The following EXOC6B variants were observed in gnomAD, a reference collection of about 807,000 sequenced individuals.
The protein encoded by EXOC6B is exocyst complex component 6B.
EXOC6B carries 54 observed loss-of-function variants against 113.5 expected under a neutral mutation model. The observed-to-expected ratio is 0.48, with a 90% CI of 0.38 to 0.60. The LOEUF is 0.60. Ranked by LOEUF, EXOC6B falls within the 20% of genes least tolerant of loss-of-function variation. EXOC6B has a pLI of 0.00. For missense variants in EXOC6B, 797 were observed against 977.5 expected (o/e 0.82, Z 2.46); for synonymous variants, 357 against 339.0 (o/e 1.05, Z -0.58).
At chr2:72,268,568 T>G (rs61450122) in intron 20 of EXOC6B, among the ~76,000 whole-genome samples, 1 of 152,272 alleles carries the variant, frequency 6.6e-6, no homozygotes, top group Non-Finnish European at 1.5e-5. Flanking sequence ...TAAATACTAA[T>G]TGATATCGTT....
intron 18 of EXOC6B, among the ~76,000 whole-genome samples, chr2:72,406,291 C>T (rs1693757557): frequency 6.6e-6 from 1 of 152,020 alleles, no homozygotes; most frequent in African/African-American, 2.4e-5. Context: ...TTAGACAGAT[C>T]AATGAGACAG....
chr2:72,267,351 G>A (rs1185169239), intron 20 of EXOC6B, among the ~76,000 whole-genome samples: 1 of 152,104 alleles, frequency 6.6e-6, no homozygotes, highest in African/African-American at 2.4e-5. Context: ...CAAAGGGAAT[G>A]CTTCCAGTTT....
intron 8 of EXOC6B, among the ~76,000 whole-genome samples, chr2:72,533,465 A>G (rs1171254709): frequency 6.6e-6 from 1 of 152,240 alleles, no homozygotes; most frequent in East Asian, 1.9e-4. Context: ...ACCTTGTATG[A>G]TGACACTAAC....
chr2:72,437,572 GC>G (rs2105320326), intron 18 of EXOC6B, among the ~76,000 whole-genome samples: 1 of 152,294 alleles, frequency 6.6e-6, no homozygotes, highest in East Asian at 1.9e-4. Context: ...TGGGGCTGCT[GC>G]CTTTCTTTCA....
At chr2:72,530,079 A>G (rs566569576) in intron 8 of EXOC6B, among the ~76,000 whole-genome samples, 2 of 152,090 alleles carry the variant, frequency 1.3e-5, no homozygotes, top group South Asian at 4.1e-4. Flanking sequence ...AGAGGGAAAA[A>G]TCTCTTTATT....
intron 6 of EXOC6B, among the ~76,000 whole-genome samples, chr2:72,622,306 G>A (rs1331655252): frequency 1.3e-5 from 2 of 150,040 alleles, no homozygotes; most frequent in East Asian, 1.9e-4. Context: ...ATCCACAAAT[G>A]TTTTAAAAGC....
At chr2:72,719,047 C>CA (rs1231628874) in intron 5 of EXOC6B, among the ~76,000 whole-genome samples, 2 of 152,138 alleles carry the variant, frequency 1.3e-5, no homozygotes, top group Non-Finnish European at 2.9e-5. Flanking sequence ...AAGAGAACAA[C>CA]AAATCAAGAA....
intron 19 of EXOC6B, among the ~76,000 whole-genome samples, chr2:72,360,025 C>T (rs554087704): frequency 1.2e-4 from 19 of 152,266 alleles, no homozygotes; most frequent in South Asian, 8.3e-4. Flanking sequence ...CACCATGCTT[C>T]TTGTACAGCT....
intron 6 of EXOC6B, among the ~76,000 whole-genome samples, chr2:72,680,407 T>C (rs187614743): frequency 3.3e-5 from 5 of 152,290 alleles, no homozygotes; most frequent in Middle Eastern, 3.4e-3. Context: ...ATCAGAGACT[T>C]CATCTAAAGC....
At chr2:72,704,654 C>G (rs1364293097) in intron 6 of EXOC6B, among the ~76,000 whole-genome samples, 1 of 152,028 alleles carries the variant, frequency 6.6e-6, no homozygotes, top group African/African-American at 2.4e-5. Context: ...ATATCACCAA[C>G]GATCCCACAG....
intron 5 of EXOC6B, among the ~76,000 whole-genome samples, chr2:72,720,412 T>C (rs374817603): frequency 9.2e-5 from 14 of 151,968 alleles, no homozygotes; most frequent in African/African-American, 2.4e-4. Flanking sequence ...AAGATACAAA[T>C]AGGTTGAAAG....
chr2:72,527,720 G>A (rs1002879813), intron 8 of EXOC6B, among the ~76,000 whole-genome samples: 1 of 152,064 alleles, frequency 6.6e-6, no homozygotes, highest in Middle Eastern at 3.4e-3. Flanking sequence ...AGCATTTGAT[G>A]TCACTATTCT....
At chr2:72,477,917 A>AT (rs1000377347) in intron 17 of EXOC6B, among the ~76,000 whole-genome samples, 1 of 151,730 alleles carries the variant, frequency 6.6e-6, no homozygotes, top group Non-Finnish European at 1.5e-5. Context: ...ATTACATTAG[A>AT]TTTTTTTGTT....
At chr2:72,220,739 C>T (rs147074772) in intron 20 of EXOC6B, among the ~76,000 whole-genome samples, 94 of 152,276 alleles carry the variant, frequency 6.2e-4, no homozygotes, top group African/African-American at 2.1e-3. Context: ...TGAAGACAAA[C>T]TGTGCACGAT....
At chr2:72,233,718 C>T (rs1681777551) in intron 20 of EXOC6B, among the ~76,000 whole-genome samples, 1 of 152,188 alleles carries the variant, frequency 6.6e-6, no homozygotes, top group African/African-American at 2.4e-5. Flanking sequence ...GATTGTTCCA[C>T]ACCCTCACTA....
chr2:72,353,496 C>T (rs908141892), intron 19 of EXOC6B, among the ~76,000 whole-genome samples: 1 of 151,958 alleles, frequency 6.6e-6, no homozygotes, highest in Non-Finnish European at 1.5e-5. Context: ...CTCAGCCTCC[C>T]GAGTAGCTGG....
intron 17 of EXOC6B, among the ~76,000 whole-genome samples, chr2:72,471,545 A>G (rs560910944): frequency 5.9e-5 from 9 of 152,206 alleles, no homozygotes; most frequent in Non-Finnish European, 1.0e-4. Flanking sequence ...GCCCATGCCT[A>G]TGTCCTGAAT....
intron 18 of EXOC6B, among the ~76,000 whole-genome samples, chr2:72,438,944 T>A (rs1696038811): frequency 6.6e-6 from 1 of 152,214 alleles, no homozygotes; most frequent in South Asian, 2.1e-4. Context: ...AAAACAGCTA[T>A]TAATAAACTA....
rs775483318 is a variant in EXOC6B, at chr2:72,379,738, C to G, written c.2113G>C (p.Glu705Gln). 3 of 1,610,420 alleles carry G rather than the reference C, an allele frequency of 1.9e-6. No homozygotes were observed. The African/African-American group carries it at 4.0e-5, about 22-fold the overall frequency. The change falls in exon 19 of 22, where the codon GAA (glutamate) becomes CAA (glutamine). Residue 705 changes from glutamate to glutamine, a missense_variant. Coordinates refer to ENST00000272427, the MANE Select transcript of EXOC6B (RefSeq NM_015189.3). ...ALQQFNLDVRECEQFARSGPV... is the reference protein window; with the variant it reads ...ALQQFNLDVRQCEQFARSGPV... ...ATGGTCACTGTCTTACGTTCACATT[C>G]TCTGACGTCCAAGTTGAACTGCTGT...
Sources: gnomAD v4.1 joint callset for allele counts (sites outside exome capture counted in the v4.1 genomes callset) on GRCh38, gnomAD v4.1.1 for gene constraint, MANE v1.5 for transcripts, NCBI Gene and HGNC (gene_info 2026-07-23, HGNC 2026-07-21) for gene names.